DIAPH2: variants seen among roughly 807,000 people sequenced by gnomAD.
The protein encoded by DIAPH2 is diaphanous related formin 2, also known as protein diaphanous homolog 2.
DIAPH2 carries 35 observed loss-of-function variants against 92.7 expected under a neutral mutation model. The ratio of observed to expected loss-of-function variants is 0.38; its 90% CI spans 0.29 to 0.50. DIAPH2 has a LOEUF of 0.50. Ranked by LOEUF, DIAPH2 falls within the 20% of genes least tolerant of loss-of-function variation. The probability of loss-of-function intolerance (pLI) is 0.94; values close to 1 mark genes in which losing one functional copy is unlikely to be tolerated. For missense variants in DIAPH2, 701 were observed against 819.5 expected (o/e 0.86, Z 1.77); for synonymous variants, 301 against 280.4 (o/e 1.07, Z -0.73).
chrX:97,522,149 T>C (rs1206825625), intron 26 of DIAPH2, among the ~76,000 whole-genome samples: 1 of 112,062 alleles, frequency 8.9e-6, no homozygotes, highest in Non-Finnish European at 1.9e-5. Flanking sequence ...ATGACAGAAC[T>C]TACGTCCTCT....
intron 23 of DIAPH2, among the ~76,000 whole-genome samples, chrX:97,308,351 C>G (rs1184887576): frequency 9.0e-6 from 1 of 111,391 alleles, no homozygotes; most frequent in East Asian, 2.8e-4. Context: ...AGAAGTCTTC[C>G]CACACTGTGC....
rs190135123 is a variant in DIAPH2 at position 96,809,197 on chromosome X, A to G, written c.447+50939A>G. 1.8e-3 allele frequency among the ~76,000 whole-genome samples: 195 copies of G among 110,681 alleles called. 2 individuals are homozygous for G. The highest frequency in any genetic ancestry group is 6.2e-3 in the African/African-American group (188 of 30,514). On this transcript the variant is annotated intron_variant, in intron 4 of 26. Transcript: ENST00000324765. ...TCTCTCCATTGCAACTTTTCTGGAA[A>G]CTTCTTCCTAGTCCAGTAGTAGCTG...
intron 25 of DIAPH2, among the ~76,000 whole-genome samples, chrX:97,419,812 G>A (rs1303991382): frequency 8.9e-6 from 1 of 111,916 alleles, no homozygotes; most frequent in Non-Finnish European, 1.9e-5. Context: ...TCTTTTCAGA[G>A]ATTAAACTCA....
At chrX:96,983,829 T>A (rs1456279996) in intron 17 of DIAPH2, among the ~76,000 whole-genome samples, 1 of 111,949 alleles carries the variant, frequency 8.9e-6, no homozygotes, top group African/African-American at 3.2e-5. Context: ...ATCAACTCTT[T>A]CCAATTTAAT....
chrX:97,129,702 C>A (rs994644122), intron 21 of DIAPH2, among the ~76,000 whole-genome samples: 2 of 110,595 alleles, frequency 1.8e-5, no homozygotes, highest in Non-Finnish European at 3.8e-5. Flanking sequence ...AATGTTAAAC[C>A]ATGCACAGAA....
intron 4 of DIAPH2, among the ~76,000 whole-genome samples, chrX:96,841,174 T>A (rs2064934268): frequency 8.9e-6 from 1 of 112,032 alleles, no homozygotes; most frequent in African/African-American, 3.2e-5. Flanking sequence ...TATTGATTAG[T>A]AATGTGTTTT....
intron 21 of DIAPH2, among the ~76,000 whole-genome samples, chrX:97,120,465 T>C (rs1392608346): frequency 9.1e-6 from 1 of 110,077 alleles, no homozygotes; most frequent in Non-Finnish European, 1.9e-5. Context: ...ATCCCTGCAG[T>C]CGTTTTGGAG....
intron 26 of DIAPH2, among the ~76,000 whole-genome samples, chrX:97,435,820 T>G (rs2070178397): frequency 9.5e-6 from 1 of 104,715 alleles, no homozygotes; most frequent in African/African-American, 3.5e-5. Flanking sequence ...CCTTTTTTTT[T>G]TTTTTGAGAT....
At chrX:97,014,381 C>T (rs917884918) in intron 17 of DIAPH2, among the ~76,000 whole-genome samples, 2 of 111,946 alleles carry the variant, frequency 1.8e-5, no homozygotes, top group Non-Finnish European at 3.8e-5. Context: ...ATTTTATTTT[C>T]GTAAAATTTG....
At chrX:97,561,728 A>G (rs2071295373) in intron 26 of DIAPH2, among the ~76,000 whole-genome samples, 1 of 112,407 alleles carries the variant, frequency 8.9e-6, no homozygotes, top group Non-Finnish European at 1.9e-5. Context: ...ATTTGCTAAG[A>G]CTTCCCATTG....
intron 25 of DIAPH2, among the ~76,000 whole-genome samples, chrX:97,389,344 G>A (rs566484967): frequency 1.5e-3 from 158 of 108,324 alleles, no homozygotes; most frequent in Middle Eastern, 4.7e-3. Context: ...GCAGGTGCCT[G>A]TAATCCCAGC....
At chrX:97,222,777 G>C (rs1186060553) in intron 22 of DIAPH2, among the ~76,000 whole-genome samples, 3 of 111,371 alleles carry the variant, frequency 2.7e-5, no homozygotes, top group Non-Finnish European at 5.6e-5. Context: ...CTTTAATTCT[G>C]AGATAATTTT....
intron 7 of DIAPH2, among the ~76,000 whole-genome samples, chrX:96,915,597 G>T (rs1044415459): frequency 7.2e-5 from 8 of 110,843 alleles, no homozygotes; most frequent in African/African-American, 2.0e-4. Context: ...TGGAAATTTT[G>T]CTCCGATGAA....
intron 23 of DIAPH2, among the ~76,000 whole-genome samples, chrX:97,294,148 C>T (rs2068623488): frequency 1.8e-5 from 2 of 111,636 alleles, no homozygotes; most frequent in African/African-American, 3.3e-5. Context: ...TGTCACATGC[C>T]AGCCGTTGTT....
chrX:97,445,758 C>T (rs968423357), intron 26 of DIAPH2, among the ~76,000 whole-genome samples: 15 of 110,683 alleles, frequency 1.4e-4, no homozygotes, highest in African/African-American at 4.6e-4. Context: ...CCTCACAACA[C>T]TGGTTTTCAC....
chrX:97,135,516 A>G (rs2067164647), intron 21 of DIAPH2, among the ~76,000 whole-genome samples: 1 of 111,100 alleles, frequency 9.0e-6, no homozygotes, highest in Non-Finnish European at 1.9e-5. Flanking sequence ...TTGGCCTAGA[A>G]TTTATTAATT....
At chrX:97,234,026 A>T (rs747566358) in intron 22 of DIAPH2, among the ~76,000 whole-genome samples, 1 of 110,919 alleles carries the variant, frequency 9.0e-6, no homozygotes, top group Admixed American at 9.7e-5. Flanking sequence ...TTATGGTTAT[A>T]GAGGCATCAA....
intron 21 of DIAPH2, among the ~76,000 whole-genome samples, chrX:97,116,259 A>T (rs887998534): frequency 4.5e-5 from 5 of 112,095 alleles, no homozygotes; most frequent in Admixed American, 3.8e-4. Flanking sequence ...TAATAATAGG[A>T]TGTACAATAG....
chrX:97,410,678 GA>G (rs1287891947), intron 25 of DIAPH2, among the ~76,000 whole-genome samples: 1 of 111,682 alleles, frequency 9.0e-6, no homozygotes, highest in Admixed American at 9.5e-5. Flanking sequence ...AAGATTAGAC[GA>G]ATGGCTAACT....
Sources: allele counts gnomAD v4.1 joint callset (sites outside exome capture counted in the v4.1 genomes callset), GRCh38; gene constraint gnomAD v4.1.1; transcripts MANE v1.5; gene names NCBI Gene and HGNC (gene_info 2026-07-23, HGNC 2026-07-21).